Variants in AGTPBP1 observed in about 807,000 individuals in gnomAD.
AGTPBP1 encodes ATP/GTP binding carboxypeptidase 1.
AGTPBP1 carries 70 observed loss-of-function variants against 143.9 expected under a neutral mutation model. The ratio of observed to expected loss-of-function variants is 0.49; its 90% CI spans 0.40 to 0.59. AGTPBP1 has a LOEUF of 0.59. Among genes scored for constraint, AGTPBP1 ranks in the 20% least tolerant of loss-of-function variants. AGTPBP1 has a pLI of 0.00. For synonymous variants in AGTPBP1, 463 were observed against 500.2 expected (o/e 0.93, Z 0.99); for missense variants, 1,229 against 1,464.5 (o/e 0.84, Z 2.62).
chr9:85,778,514 T>C, the AGTPBP1 span, among the ~76,000 whole-genome samples: 26 of 152,310 alleles, frequency 1.7e-4, no homozygotes, highest in South Asian at 5.2e-3. Flanking sequence ...GCAGAGCAGC[T>C]TGCACAGCAG....
chr9:85,553,910 C>T (rs1300821605), intron 25 of AGTPBP1: 1 of 152,170 alleles, frequency 6.6e-6, no homozygotes, highest in African/African-American at 2.4e-5. Context: ...CTGCACACAT[C>T]CATAAAAGGA....
Position 85,696,367 on chromosome 9 carries a change from G to A in AGTPBP1, c.33-3554C>T, listed in dbSNP as rs1479411753. On this transcript the variant is annotated intron_variant, in intron 2 of 25. Coordinates refer to ENST00000357081, the MANE Select transcript of AGTPBP1 (RefSeq NM_001330701.2). ...AACAAATATAATTTCTTAATATTGT[G>A]TAAAAAATGTGTCAACCCGGTCGGG... Among the ~76,000 whole-genome samples the A allele has an allele frequency of 2.6e-5, 4 of 152,048 alleles. No individual in the cohort carries two copies. In the East Asian group the frequency reaches 7.8e-4, roughly 30 times the overall value.
chr9:85,713,356 C>A (rs1379585365), intron 1 of AGTPBP1, among the ~76,000 whole-genome samples: 1 of 152,126 alleles, frequency 6.6e-6, no homozygotes, highest in African/African-American at 2.4e-5. Context: ...CATGGTGAAA[C>A]CCCATCTCTA....
rs776106847 is a variant in AGTPBP1 at position 85,575,329 on chromosome 9, G to C, written c.3489C>G (p.Ser1163Arg). The C allele has an allele frequency of 1.3e-6, 2 of 1,595,042 alleles. No homozygotes were observed. The highest frequency in any genetic ancestry group is 1.7e-6 in the Non-Finnish European group (2 of 1,174,382). The change falls in exon 25 of 26, where the codon AGC (serine) becomes AGG (arginine). Residue 1163 changes from serine to arginine, a missense_variant. Physicochemically the swap from Ser to Arg is moderately radical, Grantham distance 110. Transcript: ENST00000357081. ...TTTTTTCCTACCTAGTTACTTTGCA[G>C]CTTGATTCAATTAAATCATTTTCAA... The part of the protein sequence containing the change: ...LDFENDLIES[S>R]CKVTSPTTYV...
chr9:85,752,524 C>T, the AGTPBP1 span, among the ~76,000 whole-genome samples: 2 of 152,018 alleles, frequency 1.3e-5, no homozygotes, highest in Admixed American at 6.5e-5. Context: ...GTAACACTCA[C>T]GAAGAATGAA....
intron 11 of AGTPBP1, among the ~76,000 whole-genome samples, chr9:85,653,177 G>A (rs1271575667): frequency 6.6e-6 from 1 of 150,946 alleles, no homozygotes; most frequent in African/African-American, 2.4e-5. Context: ...GCTGAGGTGG[G>A]GGGGATCTCT....
At chr9:85,569,148 AC>A (rs549799002) in intron 25 of AGTPBP1, among the ~76,000 whole-genome samples, 4 of 152,078 alleles carry the variant, frequency 2.6e-5, no homozygotes, top group Non-Finnish European at 5.9e-5. Context: ...CAACAAATAA[AC>A]CCAAGTGACC....
chr9:85,654,291 T>C (rs1469450593), intron 11 of AGTPBP1, among the ~76,000 whole-genome samples: 1 of 152,178 alleles, frequency 6.6e-6, no homozygotes, highest in African/African-American at 2.4e-5. Flanking sequence ...TTCTTCCCCA[T>C]ATAAATAAAC....
At chr9:85,588,593 T>C (rs969135018) in intron 20 of AGTPBP1, 115 bp from the exon 21 acceptor site, 4 of 1,056,892 alleles carry the variant, frequency 3.8e-6, no homozygotes, top group South Asian at 1.5e-5. Flanking sequence ...TATAAATTAA[T>C]AGAACCCAAT....
At chr9:85,736,326 A>G (rs1358584432) in intron 1 of AGTPBP1, among the ~76,000 whole-genome samples, 1 of 152,220 alleles carries the variant, frequency 6.6e-6, no homozygotes, top group Non-Finnish European at 1.5e-5. Context: ...CATAATAATC[A>G]TATGTATTTA....
intron 1 of AGTPBP1, among the ~76,000 whole-genome samples, chr9:85,713,730 C>T (rs1221902144): frequency 2.0e-5 from 3 of 152,038 alleles, no homozygotes; most frequent in African/African-American, 4.8e-5. Context: ...CTTTTCAACA[C>T]GACATACATA....
chr9:85,586,879 A>T lies in AGTPBP1; in HGVS notation c.2985T>A (p.His995Gln). 6.2e-7 allele frequency: 1 copy of T among 1,614,050 alleles called. No individual in the cohort carries two copies. Among genetic ancestry groups the T allele is most frequent in the Non-Finnish European group, 8.5e-7 (1 of 1,179,962 alleles). Residue 995 changes from histidine (H) to glutamine (Q), a missense_variant, in exon 22 of 26, where the codon CAT (histidine) becomes CAA (glutamine). His to Gln is a conservative substitution (Grantham distance 24). Coordinates refer to ENST00000357081, the MANE Select transcript of AGTPBP1 (RefSeq NM_001330701.2). ...PSPDLHPTIY[H>Q]AKGLLQYLAA... ...CCAAGTATTGCAACAGCCCCTTAGC[A>T]TGGTAAATTGTAGGATGTAAATCCG...
At chr9:85,668,213 A>C (rs1166099764) in intron 8 of AGTPBP1, among the ~76,000 whole-genome samples, 1 of 152,130 alleles carries the variant, frequency 6.6e-6, no homozygotes, top group Non-Finnish European at 1.5e-5. Context: ...GTAGGCTTGG[A>C]AATTTCCTAA....
At chr9:85,768,083 G>A in the AGTPBP1 span, among the ~76,000 whole-genome samples, 2 of 152,186 alleles carry the variant, frequency 1.3e-5, no homozygotes, top group African/African-American at 2.4e-5. Flanking sequence ...CCATTGCCAC[G>A]TATCTTGTCA....
chr9:85,619,123 T>C lies in AGTPBP1; in HGVS notation c.2195A>G (p.Tyr732Cys), dbSNP rs1564069651. The C allele has an allele frequency of 6.2e-7, 1 of 1,612,768 alleles. No individual in the cohort carries two copies. ...RKVIQIRKNE[Y>C]DLILNSDINS... Reference sequence around the variant, plus strand: ...TATGTCTGAGTTCAGAATAAGATCATATTCATTTCTGAAAATAGAAGACAA... The same window carrying C: ...TATGTCTGAGTTCAGAATAAGATCACATTCATTTCTGAAAATAGAAGACAA... Residue 732 changes from tyrosine to cysteine, a missense_variant, in exon 17 of 26, where the codon TAT becomes TGT. Transcript: ENST00000357081.
the AGTPBP1 span, among the ~76,000 whole-genome samples, chr9:85,763,533 T>C: frequency 2.6e-5 from 4 of 151,602 alleles, no homozygotes; most frequent in Admixed American, 1.3e-4. Context: ...GATCATTTCA[T>C]ACTAGATAGT....
chr9:85,721,991 A>G (rs948995817), intron 1 of AGTPBP1, among the ~76,000 whole-genome samples: 7 of 152,218 alleles, frequency 4.6e-5, no homozygotes, highest in African/African-American at 1.4e-4. Flanking sequence ...AATGTTGAAT[A>G]TTAGCCCCCA....
At chr9:85,679,493 C>T (rs1242823184) in intron 4 of AGTPBP1, among the ~76,000 whole-genome samples, 5 of 152,174 alleles carry the variant, frequency 3.3e-5, no homozygotes, top group South Asian at 2.1e-4. Flanking sequence ...CTGCAAGCTC[C>T]GCCTCCCGGG....
At chr9:85,743,470 C>T (rs1824506389), upstream of AGTPBP1, among the ~76,000 whole-genome samples, 1 of 152,114 alleles carries the variant, frequency 6.6e-6, no homozygotes, top group African/African-American at 2.4e-5. Flanking sequence ...TAATTAAGAA[C>T]TTAGAGCTAC....
Sources: gnomAD v4.1 joint callset for allele counts (sites outside exome capture counted in the v4.1 genomes callset) on GRCh38, gnomAD v4.1.1 for gene constraint, MANE v1.5 for transcripts, NCBI Gene and HGNC (gene_info 2026-07-23, HGNC 2026-07-21) for gene names.